Variants in SAMD12 observed in about 807,000 individuals in gnomAD.
SAMD12 encodes the protein sterile alpha motif domain containing 12, also known as sterile alpha motif domain-containing protein 12.
A neutral mutation model predicts 15.0 loss-of-function variants in SAMD12; 9 were observed. The observed-to-expected ratio is 0.60, with a 90% CI of 0.36 to 1.05. SAMD12 has a LOEUF of 1.05. Ranked by LOEUF, SAMD12 falls within the 50% of genes least tolerant of loss-of-function variation. The pLI, the probability that SAMD12 is intolerant of heterozygous loss-of-function variation, is 0.01. For synonymous variants in SAMD12, 86 were observed against 90.1 expected, an observed-to-expected ratio of 0.96 and a Z score of 0.25; for missense variants, 230 against 234.2, an observed-to-expected ratio of 0.98 and a Z score of 0.12.
exon 5 of SAMD12, chr8:118,197,255 C>T (rs1819592598): frequency 5.5e-6 from 1 of 181,128 alleles, no homozygotes; most frequent in Admixed American, 5.5e-5. Flanking sequence ...TACATTCCTA[C>T]CAGGGCATAA....
intron 1 of SAMD12, among the ~76,000 whole-genome samples, chr8:118,603,303 T>C (rs1026361107): frequency 3.3e-5 from 5 of 152,028 alleles, no homozygotes; most frequent in Admixed American, 6.6e-5. Flanking sequence ...GTGGACAAAA[T>C]AGACTCAAAC....
chr8:118,245,706 G>A (rs903873037), intron 4 of SAMD12, among the ~76,000 whole-genome samples: 9 of 152,040 alleles, frequency 5.9e-5, no homozygotes, highest in African/African-American at 2.2e-4. Context: ...TAATAAAAAG[G>A]GACTAACTGG....
chr8:118,183,498 T>C, the SAMD12 span, among the ~76,000 whole-genome samples: 1 of 152,170 alleles, frequency 6.6e-6, no homozygotes, highest in Non-Finnish European at 1.5e-5. Context: ...TTGTCTAGCA[T>C]AGTGCTTTGT....
At chr8:118,444,723 G>C (rs1424765413) in intron 2 of SAMD12, among the ~76,000 whole-genome samples, 1 of 152,138 alleles carries the variant, frequency 6.6e-6, no homozygotes, top group African/African-American at 2.4e-5. Context: ...CTTAAAGAAG[G>C]TTGAAATTGA....
At chr8:118,417,238 G>A (rs1432441103) in intron 3 of SAMD12, among the ~76,000 whole-genome samples, 1 of 151,944 alleles carries the variant, frequency 6.6e-6, no homozygotes, top group Admixed American at 6.6e-5. Flanking sequence ...GCCCCCCTAT[G>A]CCAAGTTAAT....
the SAMD12 span, among the ~76,000 whole-genome samples, chr8:118,150,225 T>A: frequency 2.0e-5 from 3 of 152,240 alleles, no homozygotes; most frequent in Non-Finnish European, 2.9e-5. Context: ...ATTTATGATA[T>A]ACATCTTTAA....
intron 4 of SAMD12, among the ~76,000 whole-genome samples, chr8:118,339,359 AAG>A (rs1179622384): frequency 6.6e-5 from 10 of 152,072 alleles, no homozygotes; most frequent in South Asian, 6.2e-4. Flanking sequence ...AAGAAAAGGA[AAG>A]AGAGAGAGAA....
chr8:118,545,081 C>T (rs576058068), intron 2 of SAMD12, among the ~76,000 whole-genome samples: 21 of 152,234 alleles, frequency 1.4e-4, no homozygotes, highest in South Asian at 4.2e-4. Context: ...AACTACAAGT[C>T]GGTAGACCTT....
chr8:118,411,368 G>T (rs1235377030), intron 3 of SAMD12, among the ~76,000 whole-genome samples: 2 of 152,206 alleles, frequency 1.3e-5, no homozygotes, highest in African/African-American at 4.8e-5. Context: ...AGAAGATCAA[G>T]TCCAGGATGC....
intron 4 of SAMD12, among the ~76,000 whole-genome samples, chr8:118,249,425 A>G (rs1812770609): frequency 6.6e-6 from 1 of 152,168 alleles, no homozygotes; most frequent in South Asian, 2.1e-4. Context: ...TTTGGCACAC[A>G]GCAAATTCAA....
chr8:118,526,885 C>G (rs974437698), intron 2 of SAMD12, among the ~76,000 whole-genome samples: 1 of 152,210 alleles, frequency 6.6e-6, no homozygotes, highest in African/African-American at 2.4e-5. Context: ...TTCCACACAT[C>G]AGGAATTTGA....
At chr8:118,148,680 G>A in the SAMD12 span, among the ~76,000 whole-genome samples, 1 of 152,050 alleles carries the variant, frequency 6.6e-6, no homozygotes. Flanking sequence ...ATACCTTTGT[G>A]CAGTTAATCC....
At chr8:118,143,191 G>T in the SAMD12 span, among the ~76,000 whole-genome samples, 1 of 151,850 alleles carries the variant, frequency 6.6e-6, no homozygotes, top group Non-Finnish European at 1.5e-5. Context: ...AGAATCATTT[G>T]TGCAAAACCA....
At chr8:118,589,682 A>G (rs894563235) in intron 1 of SAMD12, among the ~76,000 whole-genome samples, 4 of 152,172 alleles carry the variant, frequency 2.6e-5, no homozygotes, top group Non-Finnish European at 5.9e-5. Context: ...ACTTTGAGAG[A>G]TTGATAAGTG....
intron 3 of SAMD12, among the ~76,000 whole-genome samples, chr8:118,397,522 C>T (rs188799070): frequency 1.1e-4 from 17 of 152,234 alleles, no homozygotes; most frequent in Admixed American, 7.2e-4. Flanking sequence ...AAGAGTCTAG[C>T]GTGTCTAGGT....
intron 1 of SAMD12, among the ~76,000 whole-genome samples, chr8:118,581,279 C>T (rs1267338928): frequency 1.3e-5 from 2 of 152,150 alleles, no homozygotes; most frequent in Non-Finnish European, 2.9e-5. Flanking sequence ...AAGTGCTCAC[C>T]CTCTCTTCTT....
chr8:118,522,048 A>T (rs932638648), intron 2 of SAMD12, among the ~76,000 whole-genome samples: 1 of 152,100 alleles, frequency 6.6e-6, no homozygotes, highest in Non-Finnish European at 1.5e-5. Flanking sequence ...TTTGTCCACC[A>T]TTCCCACAAT....
chr8:118,604,900 C>T (rs941466382), intron 1 of SAMD12, among the ~76,000 whole-genome samples: 4 of 150,900 alleles, frequency 2.7e-5, no homozygotes, highest in Admixed American at 6.6e-5. Flanking sequence ...CCAGCCTGGG[C>T]GACAGAGAGA....
chr8:118,247,588 T>C (rs1812726238), intron 4 of SAMD12, among the ~76,000 whole-genome samples: 1 of 151,822 alleles, frequency 6.6e-6, no homozygotes, highest in African/African-American at 2.4e-5. Flanking sequence ...TTTATTTATT[T>C]ATTTATTTAT....
Sources: allele counts gnomAD v4.1 joint callset (sites outside exome capture counted in the v4.1 genomes callset), GRCh38; gene constraint gnomAD v4.1.1; transcripts MANE v1.5; gene names NCBI Gene and HGNC (gene_info 2026-07-23, HGNC 2026-07-21).